Variants in STIM1 observed in about 807,000 individuals in gnomAD.
STIM1 encodes stromal interaction molecule 1.
In STIM1, 25 loss-of-function variants were observed where a neutral mutation model predicts 74.7. That is an observed-to-expected ratio of 0.33 (90% confidence interval 0.24 to 0.47). STIM1 has a LOEUF of 0.47. Among genes scored for constraint, STIM1 ranks in the 20% least tolerant of loss-of-function variants. STIM1 has a pLI of 1.00. For missense variants in STIM1, 728 were observed against 920.8 expected (o/e 0.79, Z 2.71); for synonymous variants, 328 against 348.8 (o/e 0.94, Z 0.66).
At chr11:4,081,587 A>C (rs1426077169) in intron 7 of STIM1, among the ~76,000 whole-genome samples, 1 of 152,198 alleles carries the variant, frequency 6.6e-6, no homozygotes, top group Non-Finnish European at 1.5e-5. Context: ...GTTCTCTCTG[A>C]CATGAGCTCT....
intron 10 of STIM1, chr11:4,083,727 C>T (rs2094477624): frequency 3.6e-6 from 2 of 561,462 alleles, no homozygotes; most frequent in African/African-American, 1.9e-5. Flanking sequence ...GTCTATTGTG[C>T]TAAGTGTGTC....
At chr11:4,001,039 A>G (rs1433790356) in intron 2 of STIM1, among the ~76,000 whole-genome samples, 2 of 152,220 alleles carry the variant, frequency 1.3e-5, no homozygotes, top group African/African-American at 4.8e-5. Context: ...TTAGAGAAAA[A>G]AGAATAAAAA....
chr11:4,024,904 C>T (rs1046956910), intron 3 of STIM1, among the ~76,000 whole-genome samples: 3 of 152,140 alleles, frequency 2.0e-5, no homozygotes, highest in African/African-American at 7.2e-5. Context: ...CCATTTATAT[C>T]TGTGGCTAGG....
chr11:3,911,671 C>G (rs760913512), intron 1 of STIM1, among the ~76,000 whole-genome samples: 4 of 152,020 alleles, frequency 2.6e-5, no homozygotes, highest in Non-Finnish European at 4.4e-5. Context: ...GAGCCACCAC[C>G]CCTGGCTTGC....
chr11:3,918,477 A>C (rs1050344583), intron 1 of STIM1, among the ~76,000 whole-genome samples: 3 of 151,774 alleles, frequency 2.0e-5, no homozygotes, highest in Non-Finnish European at 4.4e-5. Flanking sequence ...TCAAGGCTGC[A>C]GTGAGCCAAG....
intron 1 of STIM1, among the ~76,000 whole-genome samples, chr11:3,926,374 A>G (rs1311847724): frequency 6.6e-6 from 1 of 152,218 alleles, no homozygotes; most frequent in Non-Finnish European, 1.5e-5. Flanking sequence ...TACAGTTAAC[A>G]TTGGTAAAGC....
chr11:3,952,919 G>A (rs556557494), intron 1 of STIM1, among the ~76,000 whole-genome samples: 234 of 152,320 alleles, frequency 1.5e-3, no homozygotes, highest in Non-Finnish European at 2.7e-3. Flanking sequence ...CAGTTGGACA[G>A]CTCCTGCATC....
At position 3,910,130 on chromosome 11, in the gene STIM1, A is replaced by AT. The variant is rs573390862; in HGVS notation, c.139+53723dup. Among the ~76,000 whole-genome samples, 42 of 152,302 alleles carry AT rather than the reference A, an allele frequency of 2.8e-4. No individual in the cohort carries two copies. The East Asian group carries it at 3.7e-3, about 13-fold the overall frequency. On this transcript the variant is annotated intron_variant, in intron 1 of 12. Coordinates refer to ENST00000526596, the MANE Select transcript of STIM1 (RefSeq NM_001382567.1). ...GGCTAGGGAAACAAGCAGATGCCAG[A>AT]TTATAGAGAGCCTTGTCTATCTGTT...
intron 1 of STIM1, among the ~76,000 whole-genome samples, chr11:3,913,435 G>A (rs542163354): frequency 2.0e-5 from 3 of 151,946 alleles, no homozygotes; most frequent in Admixed American, 1.3e-4. Context: ...TGATCCTCCC[G>A]CTTCAGCCTT....
chr11:4,078,275 C>G (rs1256760118), intron 7 of STIM1, among the ~76,000 whole-genome samples: 1 of 152,198 alleles, frequency 6.6e-6, no homozygotes, highest in African/African-American at 2.4e-5. Flanking sequence ...CCCAGTTTCT[C>G]AGGTATGTCC....
intron 1 of STIM1, among the ~76,000 whole-genome samples, chr11:3,927,329 A>G (rs2092801569): frequency 6.6e-6 from 1 of 152,136 alleles, no homozygotes; most frequent in African/African-American, 2.4e-5. Context: ...TACATTTTCT[A>G]CCTCTGGATG....
At chr11:3,859,424 C>T (rs1280432099) in intron 1 of STIM1, among the ~76,000 whole-genome samples, 6 of 152,172 alleles carry the variant, frequency 3.9e-5, no homozygotes, top group African/African-American at 1.2e-4. Context: ...TGGCCTGATA[C>T]GGATGCTTGG....
At chr11:3,870,747 C>G (rs1378176473) in intron 1 of STIM1, among the ~76,000 whole-genome samples, 1 of 152,176 alleles carries the variant, frequency 6.6e-6, no homozygotes, top group African/African-American at 2.4e-5. Flanking sequence ...ATCCACCCAC[C>G]TCAGCCTCCC....
intron 2 of STIM1, among the ~76,000 whole-genome samples, chr11:4,003,563 A>C (rs915995023): frequency 4.5e-4 from 69 of 152,074 alleles, no homozygotes; most frequent in African/African-American, 1.5e-3. Flanking sequence ...AACTCTCAAT[A>C]AATTAGGTAT....
chr11:3,872,523 C>CT (rs574634847), intron 1 of STIM1, among the ~76,000 whole-genome samples: 7,948 of 129,280 alleles, frequency 0.061, 287 homozygotes, highest in South Asian at 0.14. Context: ...TTCTTTTTTT[C>CT]TTTTTTTTTT....
intron 1 of STIM1, among the ~76,000 whole-genome samples, chr11:3,908,101 A>G (rs759694555): frequency 4.6e-5 from 7 of 152,176 alleles, no homozygotes; most frequent in Admixed American, 4.6e-4. Flanking sequence ...TTAGTTCCAT[A>G]AGAGCAGGGG....
At chr11:3,894,820 C>G (rs928567329) in intron 1 of STIM1, among the ~76,000 whole-genome samples, 3 of 152,190 alleles carry the variant, frequency 2.0e-5, no homozygotes, top group East Asian at 3.9e-4. Flanking sequence ...CTCACTGCAA[C>G]CTCCGCCTTC....
chr11:3,910,020 G>GA (rs35311525), intron 1 of STIM1, among the ~76,000 whole-genome samples: 1 of 151,930 alleles, frequency 6.6e-6, no homozygotes, highest in Non-Finnish European at 1.5e-5. Context: ...CAGGGTGAAA[G>GA]AAAAAAATAT....
intron 7 of STIM1, among the ~76,000 whole-genome samples, chr11:4,081,705 G>A (rs1197488016): frequency 2.0e-5 from 3 of 152,212 alleles, no homozygotes; most frequent in African/African-American, 7.2e-5. Context: ...ATTAAGAGCC[G>A]GTTTAGGAAG....
Sources: allele counts gnomAD v4.1 joint callset (sites outside exome capture counted in the v4.1 genomes callset), GRCh38; gene constraint gnomAD v4.1.1; transcripts MANE v1.5; gene names NCBI Gene and HGNC (gene_info 2026-07-23, HGNC 2026-07-21).